ESRRG: variants seen among roughly 807,000 people sequenced by gnomAD.
ESRRG encodes estrogen-related receptor gamma.
In ESRRG, 13 loss-of-function variants were observed where a neutral mutation model predicts 44.0. That is an observed-to-expected ratio of 0.30 (90% CI 0.19 to 0.47). The LOEUF (loss-of-function observed/expected upper bound fraction) is 0.47. Among genes scored for constraint, ESRRG ranks in the 20% least tolerant of loss-of-function variants. The pLI is 1.00. For synonymous variants in ESRRG, 215 were observed against 214.6 expected (o/e 1.00, Z -0.02); for missense variants, 395 against 580.6 (o/e 0.68, Z 3.29).
chr1:216,662,916 C>A (rs2072900589), intron 2 of ESRRG, among the ~76,000 whole-genome samples: 1 of 152,186 alleles, frequency 6.6e-6, no homozygotes, highest in African/African-American at 2.4e-5. Flanking sequence ...GGCCCGCAGG[C>A]CTTGGTTTAG....
chr1:217,125,980 C>T (rs892640688), intron 1 of ESRRG, among the ~76,000 whole-genome samples: 4 of 152,124 alleles, frequency 2.6e-5, no homozygotes, highest in African/African-American at 9.7e-5. Flanking sequence ...CAGGGCTCTA[C>T]ATTTTACACA....
intron 1 of ESRRG, among the ~76,000 whole-genome samples, chr1:217,060,884 A>C (rs926984267): frequency 6.6e-6 from 1 of 152,222 alleles, no homozygotes; most frequent in African/African-American, 2.4e-5. Context: ...AGCTCAAAAC[A>C]AATGTACAGG....
chr1:216,528,514 A>G (rs1463677864), intron 5 of ESRRG, among the ~76,000 whole-genome samples: 2 of 152,204 alleles, frequency 1.3e-5, no homozygotes, highest in Non-Finnish European at 2.9e-5. Context: ...GACAATATGT[A>G]TACATTTATG....
At chr1:216,522,130 T>C (rs3862955) in intron 5 of ESRRG, among the ~76,000 whole-genome samples, 12,634 of 151,992 alleles carry the variant, frequency 0.083, 666 homozygotes, top group Admixed American at 0.17. Context: ...TTCTTCTATA[T>C]TGATGGTTGT....
At chr1:216,617,504 A>G (rs1424128560) in intron 3 of ESRRG, among the ~76,000 whole-genome samples, 2 of 52,486 alleles carry the variant, frequency 3.8e-5, no homozygotes, top group African/African-American at 1.0e-4. Context: ...TGGCCTTTAG[A>G]AAAAAAAAAA....
chr1:216,805,937 C>T (rs1187138512), intron 2 of ESRRG, among the ~76,000 whole-genome samples: 1 of 152,100 alleles, frequency 6.6e-6, no homozygotes, highest in African/African-American at 2.4e-5. Context: ...GTTATAACTC[C>T]CTCAGAACCC....
intron 1 of ESRRG, among the ~76,000 whole-genome samples, chr1:217,077,863 A>C (rs1000508158): frequency 6.6e-6 from 1 of 152,192 alleles, no homozygotes; most frequent in Admixed American, 6.5e-5. Context: ...AAAATTTAGA[A>C]GTTTTATAGT....
At chr1:217,002,549 T>C (rs2077185429) in intron 1 of ESRRG, among the ~76,000 whole-genome samples, 2 of 152,084 alleles carry the variant, frequency 1.3e-5, no homozygotes, top group South Asian at 4.1e-4. Flanking sequence ...GGATGATCTT[T>C]GCCCCTGATA....
intron 1 of ESRRG, among the ~76,000 whole-genome samples, chr1:217,012,297 G>A (rs1398168841): frequency 6.6e-6 from 1 of 152,094 alleles, no homozygotes; most frequent in Non-Finnish European, 1.5e-5. Context: ...ACTTGAAAGT[G>A]TTTATGCCCA....
intron 5 of ESRRG, among the ~76,000 whole-genome samples, chr1:216,558,992 C>T (rs1376128243): frequency 1.3e-5 from 2 of 152,010 alleles, no homozygotes; most frequent in Non-Finnish European, 2.9e-5. Flanking sequence ...GCCTCAGCCT[C>T]CTGAGTAACT....
chr1:216,722,899 TG>T (rs1031400055), intron 1 of ESRRG, among the ~76,000 whole-genome samples: 2 of 152,158 alleles, frequency 1.3e-5, no homozygotes, highest in African/African-American at 4.8e-5. Flanking sequence ...CATCTTTCCT[TG>T]GGAAAATGGG....
intron 2 of ESRRG, among the ~76,000 whole-genome samples, chr1:216,662,760 AGATTGT>A (rs2072850100): frequency 6.6e-6 from 1 of 152,166 alleles, no homozygotes; most frequent in African/African-American, 2.4e-5. Context: ...TGAAAGGGCC[AGATTGT>A]ACATATTTTT....
chr1:217,088,722 G>T (rs145025773), intron 1 of ESRRG, among the ~76,000 whole-genome samples: 2 of 152,102 alleles, frequency 1.3e-5, no homozygotes, highest in East Asian at 3.9e-4. Context: ...ATTCTGAAAG[G>T]GGGAGAGGGT....
chr1:216,707,350 C>T lies in ESRRG; in HGVS notation c.56+15894G>A, dbSNP rs903840653. 5.3e-5 allele frequency: 81 copies of T among 1,535,366 alleles called. No homozygotes were observed. The African/African-American group carries it at 9.6e-4, about 18-fold the overall frequency. On this transcript the variant is annotated intron_variant, in intron 1 of 6. Transcript: ENST00000408911. ...TCAAGTCTTCACAAAGAAAAATAAT[C>T]GGGCCCACCTTTTAGCTGAAGGAAC...
intron 1 of ESRRG, among the ~76,000 whole-genome samples, chr1:217,045,906 G>C (rs2084792369): frequency 6.6e-6 from 1 of 151,980 alleles, no homozygotes. Flanking sequence ...GCTTCTTTAG[G>C]ATTTTTTAAG....
intron 1 of ESRRG, among the ~76,000 whole-genome samples, chr1:216,981,338 C>T (rs377219115): frequency 3.9e-5 from 6 of 152,206 alleles, no homozygotes; most frequent in East Asian, 3.9e-4. Context: ...TCAAGAGTAC[C>T]GGCTTTGGAG....
chr1:216,618,102 T>C (rs888336163), intron 3 of ESRRG, among the ~76,000 whole-genome samples: 1 of 152,376 alleles, frequency 6.6e-6, no homozygotes, highest in East Asian at 1.9e-4. Context: ...TAAAATTTTA[T>C]GATCACTTAA....
intron 6 of ESRRG, among the ~76,000 whole-genome samples, chr1:216,512,280 T>C (rs1041184010): frequency 6.6e-6 from 1 of 152,136 alleles, no homozygotes; most frequent in Non-Finnish European, 1.5e-5. Flanking sequence ...CAGTAGCCAA[T>C]TTGCACAAAA....
intron 1 of ESRRG, among the ~76,000 whole-genome samples, chr1:217,022,937 T>C (rs937601385): frequency 6.6e-6 from 1 of 151,830 alleles, no homozygotes; most frequent in African/African-American, 2.4e-5. Flanking sequence ...GGACCTAGAG[T>C]TTAAGTTAGT....
Sources: allele counts gnomAD v4.1 joint callset (sites outside exome capture counted in the v4.1 genomes callset), GRCh38; gene constraint gnomAD v4.1.1; transcripts MANE v1.5; gene names NCBI Gene and HGNC (gene_info 2026-07-23, HGNC 2026-07-21).